Variants in AGBL4 observed in about 807,000 individuals in gnomAD.
AGBL4 encodes AGBL carboxypeptidase 4.
A neutral mutation model predicts 66.4 loss-of-function variants in AGBL4; 58 were observed. The observed-to-expected ratio is 0.87, with a 90% CI of 0.71 to 1.09. The LOEUF is 1.09. Ranked by LOEUF, AGBL4 falls within the 50% of genes least tolerant of loss-of-function variation. The probability of loss-of-function intolerance (pLI) is 0.00; values close to 1 mark genes in which losing one functional copy is unlikely to be tolerated. For missense variants in AGBL4, 579 were observed against 631.0 expected, an observed-to-expected ratio of 0.92 and a Z score of 0.88; for synonymous variants, 234 against 222.9, an observed-to-expected ratio of 1.05 and a Z score of -0.44.
At chr1:49,580,367 A>G (rs1253869746) in intron 3 of AGBL4, among the ~76,000 whole-genome samples, 1 of 152,120 alleles carries the variant, frequency 6.6e-6, no homozygotes, top group Non-Finnish European at 1.5e-5. Context: ...TTAATAGTTT[A>G]CTAGTAGTTG....
At chr1:49,112,696 A>G (rs1203886771) in intron 4 of AGBL4, among the ~76,000 whole-genome samples, 1 of 152,208 alleles carries the variant, frequency 6.6e-6, no homozygotes, top group Non-Finnish European at 1.5e-5. Flanking sequence ...TCAAGAAACT[A>G]CTTTCTTTGC....
At chr1:49,575,244 C>T (rs1314658264) in intron 3 of AGBL4, among the ~76,000 whole-genome samples, 4 of 152,152 alleles carry the variant, frequency 2.6e-5, no homozygotes, top group Admixed American at 2.0e-4. Flanking sequence ...ATGGAGGTCA[C>T]ATAATTAATG....
chr1:49,880,711 T>C (rs1229255992), intron 1 of AGBL4, among the ~76,000 whole-genome samples: 1 of 152,144 alleles, frequency 6.6e-6, no homozygotes, highest in Non-Finnish European at 1.5e-5. Flanking sequence ...CCCGGCTGCT[T>C]TGTTTACCTA....
At chr1:48,893,362 T>C (rs1651161344) in intron 5 of AGBL4, among the ~76,000 whole-genome samples, 1 of 152,010 alleles carries the variant, frequency 6.6e-6, no homozygotes, top group Admixed American at 6.6e-5. Flanking sequence ...GGTGGAGCCC[T>C]TATGAATGAG....
At chr1:49,462,825 G>T (rs1051239031) in intron 3 of AGBL4, among the ~76,000 whole-genome samples, 5 of 151,716 alleles carry the variant, frequency 3.3e-5, no homozygotes, top group African/African-American at 1.2e-4. Flanking sequence ...TGCTTTTCAT[G>T]TCAAGGACAT....
At chr1:49,764,919 G>A (rs1652625451) in intron 2 of AGBL4, among the ~76,000 whole-genome samples, 1 of 152,242 alleles carries the variant, frequency 6.6e-6, no homozygotes, top group Admixed American at 6.5e-5. Context: ...AGGAGTCAGA[G>A]CCATGGAACA....
At chr1:49,860,757 C>T (rs1646549370) in intron 1 of AGBL4, among the ~76,000 whole-genome samples, 1 of 150,726 alleles carries the variant, frequency 6.6e-6, no homozygotes, top group South Asian at 2.1e-4. Context: ...ATAAATTATC[C>T]CCTTCCCCAG....
chr1:48,822,420 C>G (rs186502680), intron 6 of AGBL4, among the ~76,000 whole-genome samples: 2 of 152,168 alleles, frequency 1.3e-5, no homozygotes, highest in Non-Finnish European at 2.9e-5. Context: ...AGCAATCGGA[C>G]CTAGAAGAGC....
chr1:49,077,567 C>T (rs1644734266), intron 4 of AGBL4, among the ~76,000 whole-genome samples: 1 of 152,138 alleles, frequency 6.6e-6, no homozygotes, highest in South Asian at 2.1e-4. Context: ...TGGATGATGG[C>T]TTCTTACTAA....
chr1:49,098,294 G>A (rs925196053), intron 4 of AGBL4, among the ~76,000 whole-genome samples: 2 of 152,204 alleles, frequency 1.3e-5, no homozygotes, highest in African/African-American at 2.4e-5. Flanking sequence ...AAGGGAGGAC[G>A]ATTTCACTTA....
intron 3 of AGBL4, among the ~76,000 whole-genome samples, chr1:49,685,857 A>G (rs1480020604): frequency 3.3e-5 from 5 of 152,082 alleles, no homozygotes; most frequent in Non-Finnish European, 5.9e-5. Flanking sequence ...GTCTGTTTAC[A>G]CTGCTGATGG....
intron 4 of AGBL4, among the ~76,000 whole-genome samples, chr1:49,170,259 A>G (rs1002720853): frequency 6.9e-6 from 1 of 145,920 alleles, no homozygotes; most frequent in Admixed American, 6.9e-5. Flanking sequence ...AATATATTAT[A>G]AATTTATATT....
In AGBL4 at chr1:49,703,655, C is replaced by T. The variant is rs193284029; in HGVS notation, c.158-6218G>A. 3.5e-3 allele frequency among the ~76,000 whole-genome samples: 527 copies of T among 151,778 alleles called. 1 individual carries two copies. Among genetic ancestry groups the T allele is most frequent in the African/African-American group, 0.012 (489 of 41,426 alleles). On this transcript the variant is annotated intron_variant, in intron 2 of 13. Transcript: ENST00000371839. ...ATGGTACAATATTTAATTATTTATC[C>T]GAGATCAAGCATGTAGGGTGTCCTT...
chr1:48,785,891 G>A (rs1036817802), intron 6 of AGBL4, among the ~76,000 whole-genome samples: 1 of 151,942 alleles, frequency 6.6e-6, no homozygotes, highest in African/African-American at 2.4e-5. Flanking sequence ...GAGACAATAG[G>A]GCAACCTTCC....
chr1:48,800,083 T>G (rs1000613392), intron 6 of AGBL4, among the ~76,000 whole-genome samples: 4 of 152,222 alleles, frequency 2.6e-5, no homozygotes, highest in African/African-American at 9.6e-5. Context: ...GTACCAATTC[T>G]TCTTTGAATG....
At chr1:48,727,821 C>T in intron 6 of AGBL4, 1 of 1,473,318 alleles carries the variant, frequency 6.8e-7, no homozygotes, top group East Asian at 2.3e-5. Context: ...ATTTGGACGG[C>T]ACCATCGCTC....
intron 3 of AGBL4, among the ~76,000 whole-genome samples, chr1:49,375,224 G>A (rs1473682704): frequency 6.6e-6 from 1 of 152,062 alleles, no homozygotes; most frequent in African/African-American, 2.4e-5. Context: ...GGTTGTCAGT[G>A]GGTAGAAGCA....
chr1:48,566,403 G>T (rs543032632), intron 11 of AGBL4, among the ~76,000 whole-genome samples: 1 of 152,326 alleles, frequency 6.6e-6, no homozygotes, highest in African/African-American at 2.4e-5. Context: ...TGGGCTAAAT[G>T]CCATCACTTC....
intron 5 of AGBL4, among the ~76,000 whole-genome samples, chr1:49,029,842 G>T (rs932116134): frequency 3.3e-5 from 5 of 152,142 alleles, no homozygotes; most frequent in Admixed American, 6.5e-5. Flanking sequence ...TAGATCAATA[G>T]AATGTAACTG....
Sources: gnomAD v4.1 joint callset for allele counts (sites outside exome capture counted in the v4.1 genomes callset) on GRCh38, gnomAD v4.1.1 for gene constraint, MANE v1.5 for transcripts, NCBI Gene and HGNC (gene_info 2026-07-23, HGNC 2026-07-21) for gene names.